Variants in EZH2 observed in about 807,000 individuals in gnomAD.
The protein encoded by EZH2 is enhancer of zeste 2 polycomb repressive complex 2 subunit.
Under a neutral mutation model 98.4 loss-of-function variants are expected in EZH2, and 18 were observed. The observed-to-expected ratio is 0.18, with a 90% CI of 0.13 to 0.27. EZH2 has a LOEUF of 0.27. Among genes scored for constraint, EZH2 ranks in the 10% least tolerant of loss-of-function variants. The probability of loss-of-function intolerance (pLI) is 1.00; values close to 1 mark genes in which losing one functional copy is unlikely to be tolerated. For synonymous variants in EZH2, 338 were observed against 312.3 expected (o/e 1.08, Z -0.87); for missense variants, 470 against 935.1 (o/e 0.50, Z 6.49).
intron 9 of EZH2, 60 bp from the exon 10 acceptor site, chr7:148,818,177 G>T: frequency 6.9e-7 from 1 of 1,458,308 alleles, no homozygotes; most frequent in East Asian, 2.4e-5. Flanking sequence ...TGATGGAAGA[G>T]AAAAAAAAAT....
At chr7:148,876,892 C>A (rs1486460389) in intron 1 of EZH2, among the ~76,000 whole-genome samples, 1 of 152,112 alleles carries the variant, frequency 6.6e-6, no homozygotes, top group Non-Finnish European at 1.5e-5. Flanking sequence ...CAAAAATGAT[C>A]CCTGGCTGGG....
intron 8 of EZH2, among the ~76,000 whole-genome samples, chr7:148,820,587 G>A (rs1805763776): frequency 6.7e-6 from 1 of 149,558 alleles, no homozygotes; most frequent in African/African-American, 2.5e-5. Flanking sequence ...TGTTTTTAAA[G>A]AAGAAAAATT....
At chr7:148,871,403 T>TAAAAAAAAAAAAAAAAAAAAAAATAA (rs71529646) in intron 1 of EZH2, among the ~76,000 whole-genome samples, 1 of 88,750 alleles carries the variant, frequency 1.1e-5, no homozygotes, top group Non-Finnish European at 2.2e-5. Flanking sequence ...GACGAATAAT[T>TAAAAAAAAAAAAAAAAAAAAAAATAA]AAAAAAAAAA....
chr7:148,868,572 C>T (rs919922235), intron 1 of EZH2, among the ~76,000 whole-genome samples: 6 of 152,272 alleles, frequency 3.9e-5, no homozygotes, highest in East Asian at 1.9e-4. Flanking sequence ...CAATTTGACG[C>T]GTGATTTGGG....
intron 6 of EZH2, among the ~76,000 whole-genome samples, chr7:148,827,715 A>G (rs1349798831): frequency 6.6e-6 from 1 of 152,236 alleles, no homozygotes; most frequent in Non-Finnish European, 1.5e-5. Context: ...ATGCTGCCTT[A>G]GCATGAGCTT....
intron 12 of EZH2, 103 bp from the exon 13 acceptor site, chr7:148,815,649 C>A: frequency 9.6e-7 from 1 of 1,046,266 alleles, no homozygotes; most frequent in South Asian, 1.3e-5. Flanking sequence ...TACAGGAATG[C>A]GTTAAAGCCA....
chr7:148,873,491 C>CAAAAAAAA (rs1162280467), intron 1 of EZH2, among the ~76,000 whole-genome samples: 30 of 58,492 alleles, frequency 5.1e-4, no homozygotes, highest in Middle Eastern at 0.01. Flanking sequence ...GACTCTGTCT[C>CAAAAAAAA]AAAAAAAAAA....
intron 1 of EZH2, among the ~76,000 whole-genome samples, chr7:148,848,268 G>A (rs772024505): frequency 6.6e-5 from 10 of 152,162 alleles, no homozygotes; most frequent in Admixed American, 2.6e-4. Context: ...AAGAATAACT[G>A]CAACCAGGTT....
intron 1 of EZH2, among the ~76,000 whole-genome samples, chr7:148,868,160 T>C (rs1016936541): frequency 2.6e-5 from 4 of 152,214 alleles, no homozygotes; most frequent in African/African-American, 9.7e-5. Flanking sequence ...AAAAGCTGCA[T>C]CCACATTTTC....
chr7:148,813,472 T>C (rs1309090164), intron 15 of EZH2, among the ~76,000 whole-genome samples: 4 of 152,042 alleles, frequency 2.6e-5, no homozygotes, highest in African/African-American at 7.3e-5. Flanking sequence ...AGCTGGGTTT[T>C]TTTCAAGGTT....
At chr7:148,817,444 G>C in intron 10 of EZH2, 53 bp from the exon 11 acceptor site, 1 of 1,567,782 alleles carries the variant, frequency 6.4e-7, no homozygotes, top group South Asian at 1.2e-5. Flanking sequence ...ATAATATTAA[G>C]AAGTACAATT....
intron 1 of EZH2, among the ~76,000 whole-genome samples, chr7:148,859,505 A>AAAAAAC: frequency 6.7e-6 from 1 of 150,288 alleles, no homozygotes; most frequent in East Asian, 2.0e-4. Context: ...TCTGTCTCAA[A>AAAAAAC]AACAACAACA....
chr7:148,836,419 T>C (rs976081445), intron 3 of EZH2, among the ~76,000 whole-genome samples: 13 of 152,244 alleles, frequency 8.5e-5, no homozygotes, highest in Admixed American at 7.2e-4. Flanking sequence ...CGTGGGATTC[T>C]TATTTATTGA....
chr7:148,859,475 C>T (rs1817346830), intron 1 of EZH2, among the ~76,000 whole-genome samples: 1 of 151,766 alleles, frequency 6.6e-6, no homozygotes, highest in South Asian at 2.1e-4. Context: ...ACTGCACCAG[C>T]CTGGGCAACA....
chr7:148,834,466 A>T (rs1003635533), intron 3 of EZH2, among the ~76,000 whole-genome samples: 1 of 152,130 alleles, frequency 6.6e-6, no homozygotes, highest in African/African-American at 2.4e-5. Flanking sequence ...GAAATCTGGC[A>T]TATGGGCCAC....
In EZH2 at chr7:148,818,104, T is replaced by G; in HGVS notation, c.1013A>C (p.Glu338Ala). The G allele has an allele frequency of 1.3e-6, 2 of 1,577,086 alleles. No homozygotes were observed. The highest frequency in any genetic ancestry group is 8.6e-7 in the Non-Finnish European group (1 of 1,164,096). The change falls in exon 10 of 20, where the codon GAG becomes GCG. Residue 338 changes from glutamate to alanine, a missense_variant. Physicochemically the swap from Glu to Ala is moderately radical, Grantham distance 107. This residue lies in a region of EZH2 where 192 missense variants were observed against 306.8 expected (regional missense o/e 0.63). Transcript: ENST00000320356. ...CTCAGCGGTGAGAGCAGCAGCAAAC[T>G]CCTTTGCTCCCTCCTACGAAATGAA... Reference protein sequence around the residue: ...QCYQHLEGAKEFAAALTAERI... With the variant: ...QCYQHLEGAKAFAAALTAERI...
Position 148,884,251 on chromosome 7 carries a change from G to C in EZH2, c.-95C>G, listed in dbSNP as rs1365724658. 1 of 179,268 alleles carries C rather than the reference G, an allele frequency of 5.6e-6. No individual in the cohort carries two copies. The highest frequency in any genetic ancestry group is 2.4e-5 in the African/African-American group (1 of 42,150). The allele number at this position is 179,268 out of a possible 1,614,324, so 11.1% of individuals were successfully genotyped here. On this transcript the variant is annotated 5_prime_UTR_variant, in exon 1 of 20. Transcript: ENST00000320356. Reference sequence around the variant, plus strand: ...CCGCCGGGGCTCCACTGCCTTCTGAGTCCCACCGGGTGTCGGACGCGACCG... The same window carrying C: ...CCGCCGGGGCTCCACTGCCTTCTGACTCCCACCGGGTGTCGGACGCGACCG...
intron 1 of EZH2, among the ~76,000 whole-genome samples, 155 bp from the exon 2 acceptor site, chr7:148,847,460 T>G (rs1814444180): frequency 6.6e-6 from 1 of 152,260 alleles, no homozygotes; most frequent in Admixed American, 6.5e-5. Flanking sequence ...GCTGCATGGT[T>G]AAATCCTTAA....
chr7:148,825,807 T>C (rs554468602), intron 8 of EZH2, among the ~76,000 whole-genome samples: 2 of 152,348 alleles, frequency 1.3e-5, no homozygotes, highest in East Asian at 1.9e-4. Flanking sequence ...AAGTATTAAA[T>C]ACATTTTCAA....
Sources: gnomAD v4.1 joint callset for allele counts (sites outside exome capture counted in the v4.1 genomes callset) on GRCh38, gnomAD v4.1.1 for gene constraint, gnomAD v4.1.1 regional missense constraint, MANE v1.5 for transcripts, NCBI Gene and HGNC (gene_info 2026-07-23, HGNC 2026-07-21) for gene names.